The following ASRGL1 variants were observed in gnomAD, a reference collection of about 807,000 sequenced individuals.
The protein encoded by ASRGL1 is asparaginase and isoaspartyl peptidase 1, also known as isoaspartyl peptidase/L-asparaginase.
In ASRGL1, 16 loss-of-function variants were observed where a neutral mutation model predicts 22.4. That is an observed-to-expected ratio of 0.71 (90% CI 0.48 to 1.08). ASRGL1 has a LOEUF of 1.08. Ranked by LOEUF, ASRGL1 falls within the 50% of genes least tolerant of loss-of-function variation. The pLI, the probability that ASRGL1 is intolerant of heterozygous loss-of-function variation, is 0.00. For missense variants in ASRGL1, 412 were observed against 410.1 expected, an observed-to-expected ratio of 1.00 and a Z score of -0.04; for synonymous variants, 165 against 159.3, an observed-to-expected ratio of 1.04 and a Z score of -0.27.
chr11:62,391,702 C>A (rs568403527), intron 6 of ASRGL1, 70 bp downstream of exon 6: 4 of 1,492,144 alleles, frequency 2.7e-6, no homozygotes, highest in Non-Finnish European at 2.7e-6. Flanking sequence ...GATAAGTAAG[C>A]GCATGGAGAA....
chr11:62,370,623 A>G (rs1946736979), intron 4 of ASRGL1, among the ~76,000 whole-genome samples: 2 of 152,140 alleles, frequency 1.3e-5, no homozygotes, highest in Non-Finnish European at 2.9e-5. Context: ...CTGTTAAGTC[A>G]CTATTAACAG....
chr11:62,371,974 A>AG, intron 4 of ASRGL1: 1 of 611,464 alleles, frequency 1.6e-6, no homozygotes, highest in Non-Finnish European at 2.9e-6. Flanking sequence ...AAAAAAAAAA[A>AG]GTTCCTAAAC....
At chr11:62,350,626 T>C (rs1946146064) in intron 2 of ASRGL1, among the ~76,000 whole-genome samples, 1 of 152,144 alleles carries the variant, frequency 6.6e-6, no homozygotes, top group Non-Finnish European at 1.5e-5. Flanking sequence ...TGAAACCTCA[T>C]CTCTACTAAA....
intron 2 of ASRGL1, among the ~76,000 whole-genome samples, chr11:62,354,746 G>A (rs1946239529): frequency 6.6e-6 from 1 of 152,204 alleles, no homozygotes; most frequent in Non-Finnish European, 1.5e-5. Context: ...AATAATTTGG[G>A]GCCATGGTTG....
At chr11:62,344,647 G>C (rs72921493) in intron 2 of ASRGL1, among the ~76,000 whole-genome samples, 1 of 151,528 alleles carries the variant, frequency 6.6e-6, no homozygotes, top group African/African-American at 2.4e-5. Context: ...ATGGGAGTAC[G>C]TGAGATATTG....
chr11:62,356,536 A>G, intron 3 of ASRGL1, 69 bp downstream of exon 3: 7 of 1,527,464 alleles, frequency 4.6e-6, no homozygotes, highest in Non-Finnish European at 6.3e-6. Flanking sequence ...AAGGGCTCCA[A>G]CTGTGCAGAA....
chr11:62,356,350 T>C lies in ASRGL1; in HGVS notation c.216T>C (p.Asn72=). ...NAGCGSVLNT[N]GEVEMDASIM... ...GTTGTGGGTCTGTCTTGAACACAAA[T>C]GGTGAGGTTGAAATGGATGCTAGTA... Residue 72 remains asparagine (N), a synonymous_variant, in exon 3 of 7, where the codon AAT becomes AAC. Coordinates refer to ENST00000415229, the MANE Select transcript of ASRGL1 (RefSeq NM_001083926.2). 6.2e-7 allele frequency: 1 copy of C among 1,614,142 alleles called. No homozygotes were observed. Among genetic ancestry groups the C allele is most frequent in the Non-Finnish European group, 8.5e-7 (1 of 1,179,974 alleles).
intron 2 of ASRGL1, among the ~76,000 whole-genome samples, chr11:62,347,641 G>A (rs185294840): frequency 4.7e-5 from 7 of 150,136 alleles, no homozygotes; most frequent in Admixed American, 2.0e-4. Flanking sequence ...AAAAAAAACC[G>A]TGTAAGACTG....
rs878895709 is a variant in ASRGL1 at position 62,372,726 on chromosome 11, C to T, written c.491+15582C>T. On this transcript the variant is annotated intron_variant, in intron 4 of 6. Coordinates refer to ENST00000415229, the MANE Select transcript of ASRGL1 (RefSeq NM_001083926.2). The stretch of plus-strand genomic sequence containing the variant: ...AGAGCAGAAGGATGAGATGGTCCCC[C>T]GCCTGGTGAAGCTATTTGACTTCCC... 9.9e-5 allele frequency: 144 copies of T among 1,461,442 alleles called. 1 individual carries two copies. Among genetic ancestry groups the T allele is most frequent in the South Asian group, 8.9e-4 (78 of 87,942 alleles). The allele number at this position is 1,461,442 out of a possible 1,614,324, so 90.5% of individuals were successfully genotyped here.
intron 4 of ASRGL1, among the ~76,000 whole-genome samples, chr11:62,359,549 T>G (rs574358762): frequency 6.6e-6 from 1 of 152,330 alleles, no homozygotes; most frequent in South Asian, 2.1e-4. Context: ...TCTTGCTCTT[T>G]TTTTGTACTA....
chr11:62,339,364 G>C lies in ASRGL1; in HGVS notation c.190+1197G>C, dbSNP rs966618718. Among the ~76,000 whole-genome samples the C allele has an allele frequency of 1.3e-4, 20 of 152,158 alleles. 1 individual carries two copies. Among genetic ancestry groups the C allele is most frequent in the Non-Finnish European group, 1.5e-5 (1 of 68,024 alleles). On this transcript the variant is annotated intron_variant, in intron 2 of 6. Transcript: ENST00000415229. ...GGTCAGCTGGGCCTGAATTCCAAAA[G>C]GGAGGAGGGAATAATGAGGCATGTC...
chr11:62,376,951 A>G (rs1446834623), intron 4 of ASRGL1, among the ~76,000 whole-genome samples: 1 of 152,236 alleles, frequency 6.6e-6, no homozygotes. Context: ...AACATATGAT[A>G]ATCTTCCAAA....
intron 2 of ASRGL1, among the ~76,000 whole-genome samples, chr11:62,354,309 C>G (rs1415846284): frequency 2.6e-5 from 4 of 152,160 alleles, no homozygotes; most frequent in African/African-American, 9.7e-5. Flanking sequence ...TATACAGTAG[C>G]CCTCCGTTAT....
At chr11:62,388,222 CTG>C (rs1314357237) in intron 4 of ASRGL1, among the ~76,000 whole-genome samples, 56 of 152,270 alleles carry the variant, frequency 3.7e-4, no homozygotes, top group African/African-American at 1.3e-3. Context: ...TATATGCAGT[CTG>C]TTGATCAAAA....
chr11:62,355,217 A>G (rs1452074233), intron 2 of ASRGL1, among the ~76,000 whole-genome samples: 1 of 150,124 alleles, frequency 6.7e-6, no homozygotes, highest in Admixed American at 6.6e-5. Context: ...CACAGCCTCC[A>G]AGTCAAGATT....
At chr11:62,340,445 C>G (rs1460997448) in intron 2 of ASRGL1, among the ~76,000 whole-genome samples, 2 of 152,150 alleles carry the variant, frequency 1.3e-5, no homozygotes, top group African/African-American at 4.8e-5. Context: ...CTCAGCACCC[C>G]CTGGGCTGTC....
chr11:62,371,442 T>C, intron 4 of ASRGL1: 1 of 583,216 alleles, frequency 1.7e-6, no homozygotes. Flanking sequence ...CGTGCTGTGT[T>C]TACTCAAGGT....
chr11:62,357,496 A>G (rs1213320338), intron 4 of ASRGL1, among the ~76,000 whole-genome samples: 1 of 146,366 alleles, frequency 6.8e-6, no homozygotes, highest in Non-Finnish European at 1.5e-5. Flanking sequence ...TCCTGACGTC[A>G]GGTGATCCAC....
intron 4 of ASRGL1, chr11:62,372,302 G>A: frequency 6.2e-7 from 1 of 1,602,730 alleles, no homozygotes; most frequent in Non-Finnish European, 8.5e-7. Flanking sequence ...AAAACAAGAT[G>A]GGGCAGCTGG....
Sources: allele counts gnomAD v4.1 joint callset (sites outside exome capture counted in the v4.1 genomes callset), GRCh38; gene constraint gnomAD v4.1.1; transcripts MANE v1.5; gene names NCBI Gene and HGNC (gene_info 2026-07-23, HGNC 2026-07-21).